PCDHGA2: variants seen among roughly 807,000 people sequenced by gnomAD.
PCDHGA2 encodes the protein protocadherin gamma-A2.
A neutral mutation model predicts 59.2 loss-of-function variants in PCDHGA2; 40 were observed. The ratio of observed to expected loss-of-function variants is 0.68; its 90% CI spans 0.52 to 0.88. The LOEUF (loss-of-function observed/expected upper bound fraction) is 0.88, where lower values mean the gene tolerates loss of function less well. Ranked by LOEUF, PCDHGA2 falls within the 40% of genes least tolerant of loss-of-function variation. The pLI is 0.00. For missense variants in PCDHGA2, 1,226 were observed against 1,204.0 expected, an observed-to-expected ratio of 1.02 and a Z score of -0.27; for synonymous variants, 560 against 526.0, an observed-to-expected ratio of 1.06 and a Z score of -0.89.
At position 141,487,289 on chromosome 5, in the gene PCDHGA2, G is replaced by T; in HGVS notation, c.2425-7518G>T. 6.2e-7 allele frequency: 1 copy of T among 1,614,096 alleles called. No individual in the cohort carries two copies. The highest frequency in any genetic ancestry group is 8.5e-7 in the Non-Finnish European group (1 of 1,180,024). On this transcript the variant is annotated intron_variant, in intron 1 of 3. Coordinates refer to ENST00000394576, the MANE Select transcript of PCDHGA2 (RefSeq NM_018915.4). The surrounding 1 kb of genome is among the most constrained non-coding windows in gnomAD (Gnocchi z 5.0). Reference sequence around the variant, plus strand: ...AGTGGCAATTTGCTTTGTCTCCTTTGGCTCATTCGTGGCACTACTCTCTAA... The same window carrying T: ...AGTGGCAATTTGCTTTGTCTCCTTTTGCTCATTCGTGGCACTACTCTCTAA...
chr5:141,348,389 C>T (rs2149748741), intron 1 of PCDHGA2, among the ~76,000 whole-genome samples: 1 of 152,176 alleles, frequency 6.6e-6, no homozygotes, highest in East Asian at 1.9e-4. Context: ...GGCAACATAG[C>T]ATGACCCTGT....
intron 1 of PCDHGA2, chr5:141,346,456 A>C (rs1338617478): frequency 6.2e-7 from 1 of 1,614,202 alleles, no homozygotes; most frequent in South Asian, 1.1e-5. Flanking sequence ...AACCTACTTC[A>C]GGTGAGTTTA....
chr5:141,341,663 C>A (rs1757076436), intron 1 of PCDHGA2: 1 of 639,820 alleles, frequency 1.6e-6, no homozygotes, highest in African/African-American at 1.8e-5. Context: ...ACTAGGGTGT[C>A]TGGTTTCTTA....
At chr5:141,388,993 G>A (rs778336882) in intron 1 of PCDHGA2, 1 of 1,614,026 alleles carries the variant, frequency 6.2e-7, no homozygotes, top group South Asian at 1.1e-5. Flanking sequence ...CTCAAAGTCC[G>A]TGACAAGGAT....
At chr5:141,392,987 G>T in intron 1 of PCDHGA2, 1 of 1,613,930 alleles carries the variant, frequency 6.2e-7, no homozygotes. Context: ...ACCCCCGGAA[G>T]CTGGCGAAGC....
At chr5:141,510,674 GGCAT>G (rs1388331907) in intron 3 of PCDHGA2, among the ~76,000 whole-genome samples, 6 of 152,132 alleles carry the variant, frequency 3.9e-5, no homozygotes, top group Non-Finnish European at 8.8e-5. Flanking sequence ...AAACTGAAGT[GGCAT>G]AAGGAGGTTA....
At chr5:141,347,223 G>A (rs980321059) in intron 1 of PCDHGA2, among the ~76,000 whole-genome samples, 2 of 139,372 alleles carry the variant, frequency 1.4e-5, no homozygotes, top group Non-Finnish European at 3.1e-5. Flanking sequence ...GCATGATCAC[G>A]GCTCACTGCA....
At chr5:141,405,491 C>T (rs1399017717) in intron 1 of PCDHGA2, 1 of 858,762 alleles carries the variant, frequency 1.2e-6, no homozygotes, top group East Asian at 2.7e-5. Flanking sequence ...GTGATCTCGG[C>T]TCATTGCAAC....
In PCDHGA2 at chr5:141,341,059, G is replaced by A. The variant is rs372909712; in HGVS notation, c.2088G>A (p.Ala696=). 6 of 1,614,188 alleles carry A rather than the reference G, an allele frequency of 3.7e-6. No homozygotes were observed. In the East Asian group the frequency reaches 8.9e-5, roughly 24 times the overall value. Reference sequence around the variant, plus strand: ...ACCTCACTCTGTACCTGGTGGTGGCGGTGGCCGCGGTCTCCTGCGTCTTCC... The same window carrying A: ...ACCTCACTCTGTACCTGGTGGTGGCAGTGGCCGCGGTCTCCTGCGTCTTCC... The part of the protein sequence containing the change: ...DSDLTLYLVV[A]VAAVSCVFLA... Residue 696 remains alanine, a synonymous_variant, in exon 1 of 4, where the codon GCG becomes GCA. Coordinates refer to ENST00000394576, the MANE Select transcript of PCDHGA2 (RefSeq NM_018915.4).
intron 1 of PCDHGA2, among the ~76,000 whole-genome samples, chr5:141,461,604 T>G (rs1166575574): frequency 6.6e-6 from 1 of 152,228 alleles, no homozygotes; most frequent in Non-Finnish European, 1.5e-5. Context: ...TATAATTTAG[T>G]TCAAAGTATT....
At chr5:141,414,790 A>G (rs1190584746) in intron 1 of PCDHGA2, 1 of 1,614,226 alleles carries the variant, frequency 6.2e-7, no homozygotes, top group South Asian at 1.1e-5. Context: ...GGTGACAGCC[A>G]GCGACAGCGG....
intron 1 of PCDHGA2, chr5:141,373,991 A>G (rs1241221882): frequency 8.2e-7 from 1 of 1,223,018 alleles, no homozygotes; most frequent in Non-Finnish European, 1.1e-6. Context: ...CTGCTTGTTG[A>G]AGGACCTTCA....
intron 1 of PCDHGA2, among the ~76,000 whole-genome samples, chr5:141,460,070 T>C (rs547558436): frequency 2.0e-5 from 3 of 152,202 alleles, no homozygotes; most frequent in South Asian, 2.1e-4. Flanking sequence ...AGAGTGAGAC[T>C]TCATCTAAAA....
chr5:141,343,405 A>G, intron 1 of PCDHGA2: 1 of 975,068 alleles, frequency 1.0e-6, no homozygotes, highest in Non-Finnish European at 1.2e-6. Context: ...TATCTTATCA[A>G]ATAACCCTGA....
At chr5:141,346,298 C>T in intron 1 of PCDHGA2, 3 of 1,614,236 alleles carry the variant, frequency 1.9e-6, no homozygotes, top group East Asian at 2.2e-5. Context: ...CCTATTCCCA[C>T]GAGGTCTCCC....
chr5:141,473,151 T>C (rs2099315238), intron 1 of PCDHGA2, among the ~76,000 whole-genome samples: 1 of 152,242 alleles, frequency 6.6e-6, no homozygotes. Context: ...TTCAGATCAC[T>C]AGGGCTAGGA....
intron 3 of PCDHGA2, among the ~76,000 whole-genome samples, chr5:141,505,942 G>A (rs2099849309): frequency 6.6e-6 from 1 of 152,192 alleles, no homozygotes; most frequent in African/African-American, 2.4e-5. Flanking sequence ...AAGCCCTCAA[G>A]CAATGAAAGT....
intron 1 of PCDHGA2, chr5:141,352,757 A>AG: frequency 1.5e-6 from 2 of 1,333,708 alleles, no homozygotes; most frequent in Non-Finnish European, 2.1e-6. Flanking sequence ...AACCAGGCTG[A>AG]GGCAGGTGGA....
At position 141,432,349 on chromosome 5, in the gene PCDHGA2, G is replaced by T; in HGVS notation, c.2425-62458G>T. On this transcript the variant is annotated intron_variant, in intron 1 of 3. Transcript: ENST00000394576. This position sits in a 1 kb window ranked among gnomAD's most constrained non-coding sequence, Gnocchi z 6.0. Reference sequence around the variant, plus strand: ...ACGAGCAGTTCCGAGACTTGCAAGTGAAAGTGATGGCGCGGGACAACGGGC... The same window carrying T: ...ACGAGCAGTTCCGAGACTTGCAAGTTAAAGTGATGGCGCGGGACAACGGGC... 4 of 1,614,240 alleles carry T rather than the reference G, an allele frequency of 2.5e-6. No homozygotes were observed. Among genetic ancestry groups the T allele is most frequent in the Non-Finnish European group, 1.7e-6 (2 of 1,180,046 alleles).
Sources: gnomAD v4.1 joint callset for allele counts (sites outside exome capture counted in the v4.1 genomes callset) on GRCh38, gnomAD v4.1.1 for gene constraint, Gnocchi (gnomAD v3.1) non-coding constraint, MANE v1.5 for transcripts, NCBI Gene and HGNC (gene_info 2026-07-23, HGNC 2026-07-21) for gene names.